NOTCH3: variants seen among roughly 807,000 people sequenced by gnomAD.
NOTCH3 encodes the protein neurogenic locus notch homolog protein 3.
NOTCH3 carries 86 observed loss-of-function variants against 213.3 expected under a neutral mutation model. The ratio of observed to expected loss-of-function variants is 0.40; its 90% CI spans 0.34 to 0.48. The LOEUF (loss-of-function observed/expected upper bound fraction) is 0.48, where lower values mean the gene tolerates loss of function less well. Among genes scored for constraint, NOTCH3 ranks in the 20% least tolerant of loss-of-function variants. The pLI is 0.57. For synonymous variants in NOTCH3, 1,354 were observed against 1,355.9 expected (o/e 1.00, Z 0.03); for missense variants, 2,783 against 3,272.6 (o/e 0.85, Z 3.65).
At position 15,175,435 on chromosome 19, in the gene NOTCH3, G is replaced by A. The variant is rs2046779397; in HGVS notation, c.4404-1035C>T. ...TGTAATCCCAGCTACTCGGGAAGCTGAGGCAGGAGAATAGCTTGAACCCAG... is the reference window on the plus strand; with the variant it reads ...TGTAATCCCAGCTACTCGGGAAGCTAAGGCAGGAGAATAGCTTGAACCCAG... On this transcript the variant is annotated intron_variant, in intron 24 of 32. Transcript: ENST00000263388. Among the ~76,000 whole-genome samples, 7 of 150,022 alleles carry A rather than the reference G, an allele frequency of 4.7e-5. No homozygotes were observed. The South Asian group carries it at 1.5e-3, about 32-fold the overall frequency.
At chr19:15,176,096 C>T (rs1455791738) in intron 24 of NOTCH3, among the ~76,000 whole-genome samples, 1 of 150,858 alleles carries the variant, frequency 6.6e-6, no homozygotes, top group African/African-American at 2.4e-5. Context: ...TGGACAGATT[C>T]GGCCCAAGGA....
intron 1 of NOTCH3, among the ~76,000 whole-genome samples, chr19:15,198,461 TAGAA>T (rs995322177): frequency 6.6e-6 from 1 of 151,906 alleles, no homozygotes; most frequent in African/African-American, 2.4e-5. Flanking sequence ...CAGAAAGAAA[TAGAA>T]AGCGGCCAGG....
chr19:15,187,080 T>C, intron 11 of NOTCH3, 25 bp downstream of exon 11: 1 of 1,609,824 alleles, frequency 6.2e-7, no homozygotes, highest in Non-Finnish European at 8.5e-7. Context: ...AGGTGTGCTG[T>C]TTCTGCCCCA....
At chr19:15,177,355 G>A (rs2046799774) in intron 24 of NOTCH3, among the ~76,000 whole-genome samples, 170 bp downstream of exon 24, 1 of 152,178 alleles carries the variant, frequency 6.6e-6, no homozygotes, top group South Asian at 2.1e-4. Context: ...AGAGCACATG[G>A]ATGAACAGAC....
intron 5 of NOTCH3, 31 bp downstream of exon 5, chr19:15,191,714 C>T (rs1430365609): frequency 1.2e-6 from 2 of 1,613,600 alleles, no homozygotes; most frequent in Admixed American, 3.3e-5. Context: ...CCGAGGCCTG[C>T]CTCCCCGCTC....
At chr19:15,191,311 G>T in intron 6 of NOTCH3, 113 bp downstream of exon 6, 2 of 974,596 alleles carry the variant, frequency 2.1e-6, no homozygotes, top group Non-Finnish European at 3.2e-6. Context: ...ATGATTACAG[G>T]CATGAGCCAC....
intron 24 of NOTCH3, among the ~76,000 whole-genome samples, chr19:15,176,456 C>T (rs2046790643): frequency 6.6e-6 from 1 of 152,202 alleles, no homozygotes; most frequent in Admixed American, 6.5e-5. Flanking sequence ...AGCACTGTGC[C>T]CGGCCAATAA....
In NOTCH3 at chr19:15,175,607, ACACACACG is replaced by A. The variant is rs1391546656; in HGVS notation, c.4404-1215_4404-1208del. Among the ~76,000 whole-genome samples the A allele has an allele frequency of 7.6e-4, 111 of 146,808 alleles. 1 individual carries two copies. Among genetic ancestry groups the A allele is most frequent in the African/African-American group, 2.0e-3 (79 of 39,792 alleles). ...TATGTATATACACACACACACACAC[ACACACACG>A]CACGCACACACATAGTGCTGGATGG... is the stretch of plus-strand genomic sequence containing the variant. On this transcript the variant is annotated intron_variant, in intron 24 of 32. Transcript: ENST00000263388.
At chr19:15,173,803 A>C (rs1233769093) in intron 25 of NOTCH3, among the ~76,000 whole-genome samples, 3 of 149,766 alleles carry the variant, frequency 2.0e-5, no homozygotes, top group Admixed American at 6.7e-5. Context: ...AAGAAGAAGA[A>C]GAAAAAAACC....
At chr19:15,194,110 G>A (rs992724370) in intron 2 of NOTCH3, among the ~76,000 whole-genome samples, 4 of 152,022 alleles carry the variant, frequency 2.6e-5, no homozygotes, top group Non-Finnish European at 4.4e-5. Flanking sequence ...TTAGCTGGCC[G>A]TGGTGGCTCA....
intron 6 of NOTCH3, among the ~76,000 whole-genome samples, chr19:15,190,637 A>T (rs1233306611): frequency 6.6e-6 from 1 of 152,150 alleles, no homozygotes; most frequent in African/African-American, 2.4e-5. Flanking sequence ...CCAGGCTGGA[A>T]CGCAGTGGCT....
chr19:15,186,379 A>ATGTGTGTG (rs36233245), intron 12 of NOTCH3, among the ~76,000 whole-genome samples: 19 of 138,584 alleles, frequency 1.4e-4, no homozygotes, highest in Admixed American at 5.8e-4. Flanking sequence ...TTGTTTTTGT[A>ATGTGTGTG]TGTGTGTGTG....
intron 29 of NOTCH3, among the ~76,000 whole-genome samples, chr19:15,166,481 T>C (rs1332991288): frequency 1.3e-5 from 2 of 148,280 alleles, no homozygotes; most frequent in Non-Finnish European, 3.0e-5. Flanking sequence ...TGCCCCTTTC[T>C]GCCAATTCAT....
rs1223583476 is a variant in NOTCH3 at position 15,162,513 on chromosome 19, A to G, written c.5865T>C (p.Thr1955=). ...WAAAVNNVEA[T]LALLKNGANK... ...TGGCTCCATTTTTGAGCAGGGCCAA[A>G]GTGGCTTCCACGTTGTTCACAGCCG... The change falls in exon 32 of 33, where the codon ACT becomes ACC. Residue 1955 remains threonine, a synonymous_variant. Coordinates refer to ENST00000263388, the MANE Select transcript of NOTCH3 (RefSeq NM_000435.3). 1.2e-6 allele frequency: 2 copies of G among 1,613,942 alleles called. No individual in the cohort carries two copies. Among genetic ancestry groups the G allele is most frequent in the African/African-American group, 2.7e-5 (2 of 74,910 alleles).
chr19:15,190,958 C>T (rs1371970731), intron 6 of NOTCH3, among the ~76,000 whole-genome samples: 2 of 152,044 alleles, frequency 1.3e-5, no homozygotes, highest in African/African-American at 4.8e-5. Flanking sequence ...TGGGCCCAAG[C>T]GATCCTCCCA....
Position 15,185,676 on chromosome 19 carries a change from G to C in NOTCH3, c.1955C>G (p.Pro652Arg). Residue 652 changes from proline (P) to arginine (R), a missense_variant, in exon 13 of 33, where the codon CCC becomes CGC. By Grantham distance (103) the Pro-to-Arg change is moderately radical. Around this residue, in one of 6 missense-constraint regions of NOTCH3, gnomAD observed 861 missense variants for 909.1 expected, o/e 0.95. Transcript: ENST00000263388. The surrounding 1 kb of genome is among the most constrained non-coding windows in gnomAD (Gnocchi z 4.2). Reference sequence around the variant, plus strand: ...CTCATTGATCTCCACGTTACAAAGGGGCCCTGGGGAGTACACAAGCAATCT... The same window carrying C: ...CTCATTGATCTCCACGTTACAAAGGCGCCCTGGGGAGTACACAAGCAATCT... Reference protein sequence around the residue: ...DCVCQPGFTGPLCNVEINECA... With the variant: ...DCVCQPGFTGRLCNVEINECA... 5 of 1,613,082 alleles carry C rather than the reference G, an allele frequency of 3.1e-6. No homozygotes were observed. The South Asian group carries it at 5.5e-5, about 18-fold the overall frequency.
chr19:15,178,330 C>T (rs890564171), intron 23 of NOTCH3: 11 of 533,472 alleles, frequency 2.1e-5, no homozygotes, highest in African/African-American at 1.7e-4. Flanking sequence ...AGGCCACGCC[C>T]CCCAATCACC....
chr19:15,186,379 ATGTG>A (rs36233245), intron 12 of NOTCH3, among the ~76,000 whole-genome samples: 1,470 of 138,548 alleles, frequency 0.011, 17 homozygotes, highest in African/African-American at 0.028. Context: ...TTGTTTTTGT[ATGTG>A]TGTGTGTGTG....
At chr19:15,186,695 G>T (rs536889157) in intron 12 of NOTCH3, among the ~76,000 whole-genome samples, 183 bp downstream of exon 12, 1 of 152,136 alleles carries the variant, frequency 6.6e-6, no homozygotes, top group Non-Finnish European at 1.5e-5. Flanking sequence ...GTGAGCCACC[G>T]CGCCCAGCCT....
Sources: allele counts gnomAD v4.1 joint callset (sites outside exome capture counted in the v4.1 genomes callset), GRCh38; gene constraint gnomAD v4.1.1; regional missense constraint gnomAD v4.1.1; non-coding constraint Gnocchi (gnomAD v3.1); transcripts MANE v1.5; gene names NCBI Gene and HGNC (gene_info 2026-07-23, HGNC 2026-07-21).